Variants in CCAR1 observed in about 807,000 individuals in gnomAD.
The protein encoded by CCAR1 is cell division cycle and apoptosis regulator protein 1.
CCAR1 carries 78 observed loss-of-function variants against 163.8 expected under a neutral mutation model. The observed-to-expected ratio is 0.48, with a 90% CI of 0.40 to 0.57. CCAR1 has a LOEUF of 0.57. Ranked by LOEUF, CCAR1 falls within the 20% of genes least tolerant of loss-of-function variation. The pLI is 0.00. For synonymous variants in CCAR1, 443 were observed against 460.7 expected, an observed-to-expected ratio of 0.96 and a Z score of 0.49; for missense variants, 1,019 against 1,365.2, an observed-to-expected ratio of 0.75 and a Z score of 4.00.
At chr10:68,774,630 CAA>C (rs767640848) in intron 19 of CCAR1, among the ~76,000 whole-genome samples, 2 of 105,194 alleles carry the variant, frequency 1.9e-5, no homozygotes, top group Non-Finnish European at 2.0e-5. Context: ...AACTCCATCT[CAA>C]AAAAAAAAAA....
At chr10:68,778,034 C>G (rs768602447) in intron 19 of CCAR1, among the ~76,000 whole-genome samples, 1 of 152,086 alleles carries the variant, frequency 6.6e-6, no homozygotes, top group Non-Finnish European at 1.5e-5. Flanking sequence ...GCCTGACCAA[C>G]ATGGTGAAAC....
intron 2 of CCAR1, among the ~76,000 whole-genome samples, chr10:68,726,863 G>A (rs1414329740): frequency 2.0e-5 from 3 of 151,534 alleles, no homozygotes; most frequent in Non-Finnish European, 4.4e-5. Flanking sequence ...GGACATAGTG[G>A]TGTGCATCTG....
chr10:68,761,527 G>A (rs1005584548), intron 16 of CCAR1, among the ~76,000 whole-genome samples: 9 of 151,722 alleles, frequency 5.9e-5, no homozygotes, highest in Non-Finnish European at 1.0e-4. Flanking sequence ...GGCTAGTCTC[G>A]AACTCCTGAC....
At chr10:68,769,512 C>T (rs1438505937) in intron 17 of CCAR1, among the ~76,000 whole-genome samples, 2 of 151,318 alleles carry the variant, frequency 1.3e-5, no homozygotes, top group Admixed American at 6.6e-5. Flanking sequence ...CCCAGCTACT[C>T]GGGAGGCTGA....
chr10:68,748,995 A>G, intron 8 of CCAR1, 141 bp from the exon 9 acceptor site: 2 of 940,950 alleles, frequency 2.1e-6, no homozygotes, highest in South Asian at 1.7e-5. Context: ...ATTCTTTAAA[A>G]ATATATATAA....
At chr10:68,754,166 T>A in intron 11 of CCAR1, 89 bp downstream of exon 11, 1 of 901,212 alleles carries the variant, frequency 1.1e-6, no homozygotes, top group Non-Finnish European at 1.7e-6. Flanking sequence ...AGAAAGTGTT[T>A]GTTAGGTAGA....
chr10:68,749,674 T>G lies in CCAR1; in HGVS notation c.1107T>G (p.Phe369Leu), dbSNP rs2056305672. 1 of 1,605,194 alleles carries G rather than the reference T, an allele frequency of 6.2e-7. No homozygotes were observed. The highest frequency in any genetic ancestry group is 8.5e-7 in the Non-Finnish European group (1 of 1,173,506). The change falls in exon 10 of 25, where the codon TTT becomes TTG. Residue 369 changes from phenylalanine to leucine, a missense_variant. This residue lies in a region of CCAR1 where 644 missense variants were observed against 904.4 expected (regional missense o/e 0.71). Transcript: ENST00000265872. ...VPRYTVQFSK[F>L]SLDCPSCDMM... ...GTTACACAGTTCAGTTTTCAAAGTTTTCTTTAGATTGGTAGGTTATTCCCC... is the reference window on the plus strand; with the variant it reads ...GTTACACAGTTCAGTTTTCAAAGTTGTCTTTAGATTGGTAGGTTATTCCCC...
intron 10 of CCAR1, among the ~76,000 whole-genome samples, chr10:68,752,610 G>A (rs551180641): frequency 1.4e-4 from 21 of 152,258 alleles, no homozygotes; most frequent in African/African-American, 4.8e-4. Context: ...GGTGGCTCAT[G>A]CCTGTAATCC....
Position 68,752,897 on chromosome 10 carries a change from T to C in CCAR1, c.1119-955T>C, listed in dbSNP as rs1440601718. On this transcript the variant is annotated intron_variant, in intron 10 of 24. Transcript: ENST00000265872. ...AGATAGGATAGAATAGATAGATAGATAGATAGATAGATAGATAGATAGATA... is the reference window on the plus strand; with the variant it reads ...AGATAGGATAGAATAGATAGATAGACAGATAGATAGATAGATAGATAGATA... Among the ~76,000 whole-genome samples, 8 of 144,864 alleles carry C rather than the reference T, an allele frequency of 5.5e-5. No homozygotes were observed. The East Asian group carries it at 1.7e-3, about 31-fold the overall frequency.
Position 68,765,376 on chromosome 10 carries a change from C to T in CCAR1, c.2107-512C>T, listed in dbSNP as rs7098913. Among the ~76,000 whole-genome samples, 932 of 152,266 alleles carry T rather than the reference C, an allele frequency of 6.1e-3. 7 individuals carry two copies. Among genetic ancestry groups the T allele is most frequent in the African/African-American group, 0.021 (890 of 41,554 alleles). On this transcript the variant is annotated intron_variant, in intron 16 of 24. Transcript: ENST00000265872. The stretch of plus-strand genomic sequence containing the variant: ...GCTGTTTTTTGGTTTTCTTGTTCTC[C>T]CATTGCTTCCTTATGCTTTCTTTGG...
intron 17 of CCAR1, among the ~76,000 whole-genome samples, chr10:68,769,363 G>A (rs1474889919): frequency 6.6e-6 from 1 of 152,026 alleles, no homozygotes; most frequent in Non-Finnish European, 1.5e-5. Flanking sequence ...GCTCACGCCT[G>A]TAATCCCAGC....
intron 19 of CCAR1, chr10:68,774,898 A>G (rs1168187766): frequency 3.2e-5 from 12 of 372,958 alleles, no homozygotes; most frequent in East Asian, 2.8e-4. Context: ...TTAAAAAATT[A>G]TATTTTTCTG....
chr10:68,789,677 G>C (rs749899266), intron 23 of CCAR1, 33 bp from the exon 24 acceptor site: 1 of 1,290,488 alleles, frequency 7.7e-7, no homozygotes, highest in Admixed American at 2.4e-5. Flanking sequence ...ATTTTAGGAA[G>C]TAAAATGTTA....
At chr10:68,768,395 A>G (rs2056561239) in intron 17 of CCAR1, among the ~76,000 whole-genome samples, 1 of 151,962 alleles carries the variant, frequency 6.6e-6, no homozygotes, top group East Asian at 1.9e-4. Flanking sequence ...GGATCACCTG[A>G]GGTCAGGAGT....
intron 21 of CCAR1, 57 bp downstream of exon 21, chr10:68,786,749 G>T (rs1297447466): frequency 2.8e-6 from 4 of 1,449,196 alleles, no homozygotes; most frequent in Non-Finnish European, 3.8e-6. Context: ...TACCTTTCCA[G>T]TGAAAAGTTA....
intron 5 of CCAR1, among the ~76,000 whole-genome samples, chr10:68,741,822 C>T (rs777966020): frequency 8.5e-5 from 13 of 152,116 alleles, no homozygotes; most frequent in Non-Finnish European, 1.5e-5. Context: ...ACATTTTGTA[C>T]TGTATTTTTA....
intron 6 of CCAR1, among the ~76,000 whole-genome samples, chr10:68,746,555 C>T (rs898277805): frequency 7.9e-5 from 12 of 152,234 alleles, no homozygotes; most frequent in African/African-American, 2.9e-4. Flanking sequence ...CTGCTGCCAT[C>T]ACCCAACTAC....
chr10:68,723,802 C>T (rs1441131803), intron 2 of CCAR1, among the ~76,000 whole-genome samples: 4 of 147,968 alleles, frequency 2.7e-5, no homozygotes, highest in African/African-American at 7.5e-5. Context: ...GAGCTGAGAT[C>T]GCGCCACTGC....
chr10:68,779,274 T>C (rs75288079), intron 19 of CCAR1, among the ~76,000 whole-genome samples: 2 of 152,106 alleles, frequency 1.3e-5, no homozygotes, highest in Non-Finnish European at 2.9e-5. Flanking sequence ...TTTTTTTTTT[T>C]TGAGACAGAG....
Sources: allele counts gnomAD v4.1 joint callset (sites outside exome capture counted in the v4.1 genomes callset), GRCh38; gene constraint gnomAD v4.1.1; regional missense constraint gnomAD v4.1.1; transcripts MANE v1.5; gene names NCBI Gene and HGNC (gene_info 2026-07-23, HGNC 2026-07-21).